Variants in SLC9A9 observed in about 807,000 individuals in gnomAD.
The protein encoded by SLC9A9 is solute carrier family 9 member A9.
Under a neutral mutation model 77.8 loss-of-function variants are expected in SLC9A9, and 62 were observed. The observed-to-expected ratio is 0.80, with a 90% CI of 0.65 to 0.98. The LOEUF is 0.98. Ranked by LOEUF, SLC9A9 falls within the 50% of genes least tolerant of loss-of-function variation. The pLI, the probability that SLC9A9 is intolerant of heterozygous loss-of-function variation, is 0.00. For synonymous variants in SLC9A9, 320 were observed against 283.5 expected (o/e 1.13, Z -1.29); for missense variants, 775 against 774.9 (o/e 1.00, Z 0.00).
chr3:143,296,385 TG>T (rs2030270368), intron 14 of SLC9A9, among the ~76,000 whole-genome samples: 1 of 152,246 alleles, frequency 6.6e-6, no homozygotes, highest in Non-Finnish European at 1.5e-5. Context: ...TTGCCCCATA[TG>T]GGAAGATTTT....
At chr3:143,789,545 T>C (rs147644074) in intron 4 of SLC9A9, among the ~76,000 whole-genome samples, 228 of 152,324 alleles carry the variant, frequency 1.5e-3, no homozygotes, top group African/African-American at 5.1e-3. Context: ...GGCCTCCATC[T>C]ATGAAGGACA....
intron 6 of SLC9A9, among the ~76,000 whole-genome samples, chr3:143,640,019 C>CTTTTTTTTTTTT (rs10575577): frequency 6.4e-5 from 8 of 124,148 alleles, no homozygotes; most frequent in Non-Finnish European, 6.7e-5. Context: ...CTTTTTTTTT[C>CTTTTTTTTTTTT]TTTTTTTTTT....
At chr3:143,495,179 T>C in intron 10 of SLC9A9, 156 bp downstream of exon 10, 2 of 615,360 alleles carry the variant, frequency 3.3e-6, no homozygotes, top group East Asian at 2.9e-5. Flanking sequence ...TCTTAGGATG[T>C]TTTCCTCCCC....
chr3:143,652,115 C>T, intron 6 of SLC9A9, 140 bp downstream of exon 6: 2 of 691,396 alleles, frequency 2.9e-6, no homozygotes, highest in Non-Finnish European at 2.6e-6. Context: ...TGAATTGTGC[C>T]CATTATGGAA....
intron 9 of SLC9A9, among the ~76,000 whole-genome samples, chr3:143,540,642 G>T (rs2036672194): frequency 6.6e-6 from 1 of 152,166 alleles, no homozygotes; most frequent in East Asian, 1.9e-4. Flanking sequence ...GAAAATACAT[G>T]CATGCAATTT....
intron 2 of SLC9A9, among the ~76,000 whole-genome samples, chr3:143,812,482 C>T (rs2108873028): frequency 6.6e-6 from 1 of 152,298 alleles, no homozygotes; most frequent in African/African-American, 2.4e-5. Flanking sequence ...GTCAAAAGAG[C>T]AAGGTGCAGA....
rs1182003830 is a variant in SLC9A9 at position 143,693,309 on chromosome 3, T to C, written c.534-2A>G. On this transcript the variant is annotated splice_acceptor_variant, in intron 4 of 15. Transcript: ENST00000316549. LOFTEE classifies it high-confidence loss of function. ...TTCACAAAACCATACATAATTAACC[T>C]GTTGAAGAGAAAAACATGACCTTCA... 6.2e-7 allele frequency: 1 copy of C among 1,609,398 alleles called. No homozygotes were observed. Among genetic ancestry groups the C allele is most frequent in the South Asian group, 1.1e-5 (1 of 90,984 alleles).
At position 143,334,574 on chromosome 3, in the gene SLC9A9, T is replaced by G. The variant is rs979824734; in HGVS notation, c.1604+28910A>C. On this transcript the variant is annotated intron_variant, in intron 14 of 15. Transcript: ENST00000316549. The stretch of plus-strand genomic sequence containing the variant: ...AGTGTTCTCTTCTGTAAAACGGGCT[T>G]AGTAGCAACCCTTACCTCATAATGT... Among the ~76,000 whole-genome samples, 26 of 152,350 alleles carry G rather than the reference T, an allele frequency of 1.7e-4. 1 individual carries two copies. The highest frequency in any genetic ancestry group is 1.6e-3 in the Admixed American group (24 of 15,302).
chr3:143,518,826 A>G (rs992255232), intron 9 of SLC9A9, among the ~76,000 whole-genome samples: 5 of 152,194 alleles, frequency 3.3e-5, no homozygotes, highest in African/African-American at 7.2e-5. Flanking sequence ...GCTATAACAA[A>G]CAGTGGAACA....
chr3:143,768,981 G>T (rs1363226094), intron 4 of SLC9A9, among the ~76,000 whole-genome samples: 1 of 152,094 alleles, frequency 6.6e-6, no homozygotes, highest in Admixed American at 6.6e-5. Flanking sequence ...TTCTACTCAG[G>T]TTGCCCCATT....
At position 143,670,889 on chromosome 3, in the gene SLC9A9, A is replaced by G. The variant is rs147692651; in HGVS notation, c.650-18529T>C. 4.8e-4 allele frequency among the ~76,000 whole-genome samples: 73 copies of G among 152,256 alleles called. 1 individual carries two copies. The East Asian group carries it at 0.012, about 26-fold the overall frequency. ...AACAAATGTTTGTTAAATAAAATCAATTATAAAGTGGGAACTTGACTCTTG... is the reference window on the plus strand; with the variant it reads ...AACAAATGTTTGTTAAATAAAATCAGTTATAAAGTGGGAACTTGACTCTTG... On this transcript the variant is annotated intron_variant, in intron 5 of 15. Transcript: ENST00000316549.
chr3:143,604,924 C>T (rs1366089322), intron 6 of SLC9A9, among the ~76,000 whole-genome samples: 8 of 152,156 alleles, frequency 5.3e-5, no homozygotes. Flanking sequence ...TCAATGAGGG[C>T]CCCTCCGGTT....
chr3:143,374,871 A>C (rs1194164608), intron 13 of SLC9A9, among the ~76,000 whole-genome samples: 1 of 152,088 alleles, frequency 6.6e-6, no homozygotes. Flanking sequence ...AGTAGGTCTT[A>C]TTCATCTTTT....
chr3:143,637,904 C>T (rs2108734499), intron 6 of SLC9A9, among the ~76,000 whole-genome samples: 1 of 152,190 alleles, frequency 6.6e-6, no homozygotes, highest in East Asian at 1.9e-4. Flanking sequence ...TAAAGTTTTT[C>T]CATGAAAACT....
chr3:143,300,859 A>G (rs923140322), intron 14 of SLC9A9, among the ~76,000 whole-genome samples: 3 of 152,218 alleles, frequency 2.0e-5, no homozygotes, highest in Non-Finnish European at 4.4e-5. Context: ...GGAAGTAATT[A>G]ATTTCCCTTC....
intron 4 of SLC9A9, among the ~76,000 whole-genome samples, chr3:143,745,441 T>C (rs1304669371): frequency 5.1e-4 from 78 of 152,228 alleles, no homozygotes; most frequent in Admixed American, 5.0e-3. Context: ...TTAAGGTTCA[T>C]TTTTACTCCT....
chr3:143,577,664 C>A (rs569754573), intron 7 of SLC9A9, among the ~76,000 whole-genome samples: 5 of 152,254 alleles, frequency 3.3e-5, no homozygotes, highest in African/African-American at 9.6e-5. Flanking sequence ...TTCTTAGATA[C>A]CCCCAGTAGA....
chr3:143,788,211 TA>T, intron 4 of SLC9A9, among the ~76,000 whole-genome samples: 1 of 151,970 alleles, frequency 6.6e-6, no homozygotes. Context: ...TTGTATCATA[TA>T]AAAAATGAGT....
Position 143,453,107 on chromosome 3 carries a change from A to G in SLC9A9, c.1469+13930T>C, listed in dbSNP as rs549454782. Among the ~76,000 whole-genome samples the G allele has an allele frequency of 9.9e-5, 15 of 152,198 alleles. 1 individual carries two copies. The highest frequency in any genetic ancestry group is 8.5e-4 in the Admixed American group (13 of 15,262). On this transcript the variant is annotated intron_variant, in intron 12 of 15. Coordinates refer to ENST00000316549, the MANE Select transcript of SLC9A9 (RefSeq NM_173653.4). ...GCATATCGATATTTATTTTACTATT[A>G]GGTTGAACCATACGAAATTGGCAAT...
Sources: gnomAD v4.1 joint callset for allele counts (sites outside exome capture counted in the v4.1 genomes callset) on GRCh38, gnomAD v4.1.1 for gene constraint, MANE v1.5 for transcripts, NCBI Gene and HGNC (gene_info 2026-07-23, HGNC 2026-07-21) for gene names.